DLGAP4: variants seen among roughly 807,000 people sequenced by gnomAD.
DLGAP4 encodes the protein DLG associated protein 4.
DLGAP4 carries 18 observed loss-of-function variants against 86.9 expected under a neutral mutation model. That is an observed-to-expected ratio of 0.21 (90% CI 0.14 to 0.31). The LOEUF is 0.31. DLGAP4 is among the 10% of genes least tolerant of loss of function. The pLI, the probability that DLGAP4 is intolerant of heterozygous loss-of-function variation, is 1.00. For synonymous variants in DLGAP4, 548 were observed against 574.3 expected (o/e 0.95, Z 0.65); for missense variants, 1,085 against 1,362.6 (o/e 0.80, Z 3.21).
chr20:36,381,281 G>T (rs1338354572), intron 2 of DLGAP4, among the ~76,000 whole-genome samples: 1 of 152,204 alleles, frequency 6.6e-6, no homozygotes, highest in African/African-American at 2.4e-5. Context: ...TAGGGAAGAT[G>T]GGCAAGGAAA....
chr20:36,400,825 T>G (rs2032136751), intron 2 of DLGAP4, among the ~76,000 whole-genome samples: 1 of 147,010 alleles, frequency 6.8e-6, no homozygotes. Context: ...AAGGAGGGGG[T>G]GGCTGTGGCA....
chr20:36,507,578 C>G (rs1196069919), intron 10 of DLGAP4: 1 of 152,140 alleles, frequency 6.6e-6, no homozygotes, highest in Non-Finnish European at 1.5e-5. Flanking sequence ...GGAACTCCAC[C>G]AAGGAGATAC....
intron 2 of DLGAP4, among the ~76,000 whole-genome samples, chr20:36,404,614 T>A (rs755747840): frequency 6.6e-6 from 1 of 152,158 alleles, no homozygotes; most frequent in South Asian, 2.1e-4. Context: ...GGGGGTGGAA[T>A]GGAATGCGGG....
At chr20:36,349,662 A>T (rs1170138185) in intron 1 of DLGAP4, among the ~76,000 whole-genome samples, 1 of 152,086 alleles carries the variant, frequency 6.6e-6, no homozygotes, top group African/African-American at 2.4e-5. Context: ...CGTGAGGATA[A>T]AAAGGGCGAT....
intron 2 of DLGAP4, among the ~76,000 whole-genome samples, chr20:36,430,228 C>T (rs1055019777): frequency 2.0e-5 from 3 of 152,194 alleles, no homozygotes; most frequent in Admixed American, 1.3e-4. Context: ...TCTTGTGAGC[C>T]CTTGCCTTGC....
At chr20:36,374,211 T>C (rs939506077) in intron 2 of DLGAP4, among the ~76,000 whole-genome samples, 9 of 152,054 alleles carry the variant, frequency 5.9e-5, no homozygotes, top group African/African-American at 1.4e-4. Flanking sequence ...GTCCTGGCCC[T>C]CCAAATGACT....
At chr20:36,440,725 G>A (rs1385983511) in intron 5 of DLGAP4, among the ~76,000 whole-genome samples, 1 of 152,058 alleles carries the variant, frequency 6.6e-6, no homozygotes, top group Non-Finnish European at 1.5e-5. Flanking sequence ...TGCAAAGGGA[G>A]AACCAGGCAG....
Position 36,432,236 on chromosome 20 carries a change from C to T in DLGAP4, c.519C>T (p.Gly173=), listed in dbSNP as rs2033148579. The change falls in exon 3 of 13, where the codon GGC becomes GGT. Residue 173 remains glycine (G), a synonymous_variant. Coordinates refer to ENST00000339266, the MANE Select transcript of DLGAP4 (RefSeq NM_001365621.2). This position sits in a 1 kb window ranked among gnomAD's most constrained non-coding sequence, Gnocchi z 6.5. ...KVGGNGSKKG[G]MEDGKGRRAK... ...GTGGCAATGGCAGCAAGAAGGGTGG[C>T]ATGGAGGACGGCAAGGGCCGGAGGG... 2 of 1,613,864 alleles carry T rather than the reference C, an allele frequency of 1.2e-6. No homozygotes were observed. The highest frequency in any genetic ancestry group is 1.7e-6 in the Non-Finnish European group (2 of 1,179,946).
intron 1 of DLGAP4, among the ~76,000 whole-genome samples, chr20:36,328,106 G>A (rs2065234056): frequency 1.3e-5 from 2 of 152,020 alleles, no homozygotes; most frequent in African/African-American, 4.8e-5. Flanking sequence ...GGCTGAGGCA[G>A]GAGAATTGCT....
chr20:36,490,786 C>T (rs2035627077), intron 7 of DLGAP4, among the ~76,000 whole-genome samples: 1 of 152,220 alleles, frequency 6.6e-6, no homozygotes, highest in African/African-American at 2.4e-5. Context: ...AAGACACATG[C>T]AGGGGGCTAG....
intron 10 of DLGAP4, among the ~76,000 whole-genome samples, chr20:36,511,345 G>A (rs981091351): frequency 4.6e-5 from 7 of 151,982 alleles, no homozygotes; most frequent in Non-Finnish European, 7.4e-5. Context: ...TGAGGCTACA[G>A]GTGTGTACCA....
chr20:36,438,328 C>T (rs1267743409), intron 4 of DLGAP4, among the ~76,000 whole-genome samples: 2 of 151,016 alleles, frequency 1.3e-5, no homozygotes, highest in Admixed American at 6.6e-5. Flanking sequence ...GAGCTGAGAT[C>T]GTGCCACTGC....
chr20:36,330,690 A>G (rs2065258686), intron 1 of DLGAP4, among the ~76,000 whole-genome samples: 1 of 151,154 alleles, frequency 6.6e-6, no homozygotes, highest in Non-Finnish European at 1.5e-5. Flanking sequence ...CTCCTGCCTC[A>G]GCCTCCCGAG....
At chr20:36,461,496 G>GA in intron 7 of DLGAP4, 1 of 982,524 alleles carries the variant, frequency 1.0e-6, no homozygotes, top group Non-Finnish European at 1.2e-6. Context: ...GGGCCGGGCT[G>GA]CGTGAGGGAG....
intron 2 of DLGAP4, among the ~76,000 whole-genome samples, chr20:36,412,979 CT>C (rs71184093): frequency 0.75 from 83,216 of 110,808 alleles, 30,450 homozygotes; most frequent in East Asian, 0.94. Flanking sequence ...GAACTCTTTT[CT>C]TTTTTTTTTT....
At chr20:36,403,859 C>A (rs1352905891) in intron 2 of DLGAP4, among the ~76,000 whole-genome samples, 3 of 152,170 alleles carry the variant, frequency 2.0e-5, no homozygotes, top group Non-Finnish European at 2.9e-5. Flanking sequence ...CTTCCAAGCT[C>A]ACTTATAGGG....
intron 7 of DLGAP4, among the ~76,000 whole-genome samples, chr20:36,495,182 G>A (rs1414835340): frequency 6.6e-6 from 1 of 152,048 alleles, no homozygotes; most frequent in Non-Finnish European, 1.5e-5. Flanking sequence ...ATAAGAAAAT[G>A]CCAATGTATT....
intron 1 of DLGAP4, among the ~76,000 whole-genome samples, chr20:36,314,331 CGTGT>C (rs1159613593): frequency 9.3e-4 from 103 of 110,720 alleles, no homozygotes; most frequent in African/African-American, 3.8e-3. Context: ...TGTGTGTGTG[CGTGT>C]GTGTGTGTGT....
chr20:36,409,736 A>T (rs541762396), intron 2 of DLGAP4, among the ~76,000 whole-genome samples: 3 of 150,318 alleles, frequency 2.0e-5, no homozygotes, highest in Non-Finnish European at 4.4e-5. Context: ...GAAACATAAT[A>T]AAAAGCCCTC....
Sources: gnomAD v4.1 joint callset for allele counts (sites outside exome capture counted in the v4.1 genomes callset) on GRCh38, gnomAD v4.1.1 for gene constraint, Gnocchi (gnomAD v3.1) non-coding constraint, MANE v1.5 for transcripts, NCBI Gene and HGNC (gene_info 2026-07-23, HGNC 2026-07-21) for gene names.